The following BRINP3 variants were observed in gnomAD, a reference collection of about 807,000 sequenced individuals.
The protein encoded by BRINP3 is BMP/retinoic acid-inducible neural-specific protein 3.
Under a neutral mutation model 71.0 loss-of-function variants are expected in BRINP3, and 19 were observed. The ratio of observed to expected loss-of-function variants is 0.27; its 90% confidence interval spans 0.19 to 0.39. The LOEUF is 0.39. BRINP3 is among the 10% of genes least tolerant of loss of function. The pLI is 1.00. For synonymous variants in BRINP3, 380 were observed against 337.7 expected, an observed-to-expected ratio of 1.13 and a Z score of -1.37; for missense variants, 959 against 940.8, an observed-to-expected ratio of 1.02 and a Z score of -0.25.
chr1:190,114,602 T>C (rs1241383837), intron 7 of BRINP3, among the ~76,000 whole-genome samples: 3 of 151,662 alleles, frequency 2.0e-5, no homozygotes, highest in Admixed American at 6.6e-5. Context: ...TCTAAATACA[T>C]TGTAATTATA....
chr1:190,158,868 G>GGAGA (rs140109633), intron 7 of BRINP3, among the ~76,000 whole-genome samples: 9,763 of 148,540 alleles, frequency 0.066, 434 homozygotes, highest in East Asian at 0.1. Context: ...ACAGGGAGGG[G>GGAGA]GAGAGAGAGA....
At chr1:190,130,059 G>C (rs1021280747) in intron 7 of BRINP3, among the ~76,000 whole-genome samples, 2 of 151,866 alleles carry the variant, frequency 1.3e-5, no homozygotes, top group Non-Finnish European at 2.9e-5. Flanking sequence ...AAAAATTCTA[G>C]CATCGTGTCC....
At chr1:190,279,073 T>C (rs193269962) in intron 3 of BRINP3, among the ~76,000 whole-genome samples, 273 of 151,866 alleles carry the variant, frequency 1.8e-3, no homozygotes, top group Admixed American at 3.5e-3. Flanking sequence ...TTTTATCTTC[T>C]GAAATACTTA....
intron 7 of BRINP3, among the ~76,000 whole-genome samples, chr1:190,140,579 C>T (rs1292363650): frequency 1.3e-5 from 2 of 151,960 alleles, no homozygotes; most frequent in African/African-American, 4.8e-5. Context: ...TTTCCTAAAA[C>T]CATAAATTTT....
intron 4 of BRINP3, among the ~76,000 whole-genome samples, chr1:190,241,470 T>C (rs1659089713): frequency 6.6e-6 from 1 of 151,562 alleles, no homozygotes; most frequent in African/African-American, 2.4e-5. Context: ...ATTAATTCTC[T>C]CTCTCTCTCT....
chr1:190,110,102 C>T lies in BRINP3; in HGVS notation c.1185-10968G>A, dbSNP rs1035958205. On this transcript the variant is annotated intron_variant, in intron 7 of 7. Transcript: ENST00000367462. ...CAATAAAGAGAACTCACTATGTACACGATGGGCTATGACACATTTTTTGTA... is the reference window on the plus strand; with the variant it reads ...CAATAAAGAGAACTCACTATGTACATGATGGGCTATGACACATTTTTTGTA... 3.3e-5 allele frequency among the ~76,000 whole-genome samples: 5 copies of T among 152,194 alleles called. No homozygotes were observed. The East Asian group carries it at 5.8e-4, about 18-fold the overall frequency.
At chr1:190,258,484 C>T (rs764272035) in intron 4 of BRINP3, among the ~76,000 whole-genome samples, 2 of 149,774 alleles carry the variant, frequency 1.3e-5, no homozygotes, top group Admixed American at 1.3e-4. Context: ...AAAAGATCAA[C>T]GAAGTTGAAA....
intron 6 of BRINP3, among the ~76,000 whole-genome samples, chr1:190,166,332 C>T (rs1386438409): frequency 6.6e-6 from 1 of 152,150 alleles, no homozygotes; most frequent in Admixed American, 6.5e-5. Context: ...TTTTATTTTT[C>T]TCTGAAAGAT....
chr1:190,157,481 T>C (rs1412439911), intron 7 of BRINP3, among the ~76,000 whole-genome samples: 1 of 152,050 alleles, frequency 6.6e-6, no homozygotes, highest in Non-Finnish European at 1.5e-5. Context: ...TATCCAGCTC[T>C]AGATGTACTA....
At chr1:190,197,334 T>C (rs1654576384) in intron 6 of BRINP3, among the ~76,000 whole-genome samples, 1 of 152,120 alleles carries the variant, frequency 6.6e-6, no homozygotes, top group Non-Finnish European at 1.5e-5. Context: ...TGTCCTTACA[T>C]TTCAAAGCCA....
intron 7 of BRINP3, among the ~76,000 whole-genome samples, chr1:190,120,192 T>C (rs1344438705): frequency 6.6e-6 from 1 of 152,226 alleles, no homozygotes; most frequent in African/African-American, 2.4e-5. Context: ...TGTAGAATTC[T>C]GAAAATCCCA....
At chr1:190,193,180 C>A (rs977090567) in intron 6 of BRINP3, among the ~76,000 whole-genome samples, 3 of 151,776 alleles carry the variant, frequency 2.0e-5, no homozygotes, top group African/African-American at 7.3e-5. Context: ...ACTTAATGGG[C>A]TTCCTTAGAA....
At chr1:190,102,910 T>C (rs904203136) in intron 7 of BRINP3, among the ~76,000 whole-genome samples, 3 of 152,066 alleles carry the variant, frequency 2.0e-5, no homozygotes, top group Non-Finnish European at 2.9e-5. Flanking sequence ...AAATTAATCA[T>C]TAGCTAAAAG....
At chr1:190,156,880 T>C (rs1558017037) in intron 7 of BRINP3, among the ~76,000 whole-genome samples, 1 of 152,124 alleles carries the variant, frequency 6.6e-6, no homozygotes, top group Non-Finnish European at 1.5e-5. Context: ...CAGTTTGAAC[T>C]GGGATTTCAG....
At chr1:190,372,753 T>C (rs1394254457) in intron 2 of BRINP3, among the ~76,000 whole-genome samples, 1 of 152,192 alleles carries the variant, frequency 6.6e-6, no homozygotes, top group Non-Finnish European at 1.5e-5. Flanking sequence ...CAGACAGTTG[T>C]AAAGAACAGA....
intron 7 of BRINP3, among the ~76,000 whole-genome samples, chr1:190,146,584 G>C (rs1380009726): frequency 3.3e-5 from 5 of 151,988 alleles, no homozygotes; most frequent in Non-Finnish European, 5.9e-5. Context: ...ACATATAAAA[G>C]AGATTCATTT....
chr1:190,347,704 T>C (rs1015175974), intron 2 of BRINP3, among the ~76,000 whole-genome samples: 1 of 152,166 alleles, frequency 6.6e-6, no homozygotes, highest in Non-Finnish European at 1.5e-5. Flanking sequence ...TATAAATTTT[T>C]ATTCTTATTT....
At position 190,186,782 on chromosome 1, in the gene BRINP3, T is replaced by G. The variant is rs1653564434; in HGVS notation, c.962-25892A>C. Among the ~76,000 whole-genome samples the G allele has an allele frequency of 6.6e-5, 10 of 152,026 alleles. No individual in the cohort carries two copies. The South Asian group carries it at 2.1e-3, about 31-fold the overall frequency. Reference sequence around the variant, plus strand: ...AATATAACTTCTCCAAATTCAGAAGTGGTGCTTGGTAAAGTGGTATGGTAA... The same window carrying G: ...AATATAACTTCTCCAAATTCAGAAGGGGTGCTTGGTAAAGTGGTATGGTAA... On this transcript the variant is annotated intron_variant, in intron 6 of 7. Transcript: ENST00000367462.
chr1:190,280,789 C>A (rs1206818184), intron 3 of BRINP3, among the ~76,000 whole-genome samples: 1 of 151,794 alleles, frequency 6.6e-6, no homozygotes, highest in African/African-American at 2.4e-5. Flanking sequence ...ACATCTATTT[C>A]TAAATGCAAT....
Sources: gnomAD v4.1 joint callset for allele counts (sites outside exome capture counted in the v4.1 genomes callset) on GRCh38, gnomAD v4.1.1 for gene constraint, MANE v1.5 for transcripts, NCBI Gene and HGNC (gene_info 2026-07-23, HGNC 2026-07-21) for gene names.